SMCHD1: variants seen among roughly 807,000 people sequenced by gnomAD.
SMCHD1 encodes structural maintenance of chromosomes flexible hinge domain-containing protein 1.
A neutral mutation model predicts 254.7 loss-of-function variants in SMCHD1; 78 were observed. That is an observed-to-expected ratio of 0.31 (90% CI 0.26 to 0.37). The LOEUF is 0.37. Among genes scored for constraint, SMCHD1 ranks in the 10% least tolerant of loss-of-function variants. The pLI is 1.00. For missense variants in SMCHD1, 1,840 were observed against 2,408.1 expected, an observed-to-expected ratio of 0.76 and a Z score of 4.94; for synonymous variants, 766 against 794.9, an observed-to-expected ratio of 0.96 and a Z score of 0.61.
At chr18:2,778,263 A>T (rs1408157986) in intron 44 of SMCHD1, 24 bp downstream of exon 44, 13 of 1,525,036 alleles carry the variant, frequency 8.5e-6, no homozygotes, top group Non-Finnish European at 1.1e-5. Context: ...TTCTTTTTAA[A>T]TTTGTAGACT....
intron 12 of SMCHD1, 189 bp downstream of exon 12, chr18:2,701,107 C>T (rs755041453): frequency 1.8e-5 from 8 of 447,796 alleles, no homozygotes; most frequent in Non-Finnish European, 3.1e-5. Context: ...AATGACTAAA[C>T]CTACCTAGTA....
chr18:2,718,150 T>C lies in SMCHD1; in HGVS notation c.2261-8T>C. The C allele has an allele frequency of 6.3e-7, 1 of 1,596,344 alleles. No individual in the cohort carries two copies. The highest frequency in any genetic ancestry group is 8.5e-7 in the Non-Finnish European group (1 of 1,170,068). On this transcript the variant is annotated splice_region_variant and splice_polypyrimidine_tract_variant and intron_variant, in intron 17 of 47. Transcript: ENST00000320876. This position sits in a 1 kb window ranked among gnomAD's most constrained non-coding sequence, Gnocchi z 4.6. The stretch of plus-strand genomic sequence containing the variant: ...AAGACACTATTGTTTCTTTTTTCTT[T>C]TATTAAGCTTCAAGTGGAAATAAAG...
Position 2,760,686 on chromosome 18 carries a change from T to C in SMCHD1, c.4381T>C (p.Cys1461Arg), listed in dbSNP as rs773773285. Residue 1461 changes from cysteine (C) to arginine (R), a missense_variant, in exon 35 of 48, where the codon TGT (cysteine) becomes CGT (arginine). Cys to Arg is a radical substitution (Grantham distance 180). Coordinates refer to ENST00000320876, the MANE Select transcript of SMCHD1 (RefSeq NM_015295.3). Reference protein sequence around the residue: ...KVIPNKVGTYCIQFGFMMDKT... With the variant: ...KVIPNKVGTYRIQFGFMMDKT... ...AATTCCTAATAAAGTGGGGACATATTGTATCCAGTTTGGTTTTATGATGGA... is the reference window on the plus strand; with the variant it reads ...AATTCCTAATAAAGTGGGGACATATCGTATCCAGTTTGGTTTTATGATGGA... 3.1e-6 allele frequency: 5 copies of C among 1,601,766 alleles called. No individual in the cohort carries two copies. Among genetic ancestry groups the C allele is most frequent in the Non-Finnish European group, 4.3e-6 (5 of 1,169,380 alleles).
intron 17 of SMCHD1, among the ~76,000 whole-genome samples, chr18:2,711,795 T>C (rs963008506): frequency 2.0e-5 from 3 of 152,216 alleles, no homozygotes; most frequent in Non-Finnish European, 4.4e-5. Context: ...ATGTTTGTCT[T>C]GATCCCCGGT....
chr18:2,714,856 C>T (rs2074762087), intron 17 of SMCHD1, among the ~76,000 whole-genome samples: 1 of 152,080 alleles, frequency 6.6e-6, no homozygotes, highest in South Asian at 2.1e-4. Context: ...CCCCTGCCCC[C>T]TACCCCCAGC....
intron 22 of SMCHD1, chr18:2,726,915 A>G (rs1422581798): frequency 6.5e-6 from 1 of 154,508 alleles, no homozygotes; most frequent in African/African-American, 2.4e-5. Context: ...ACCTGAGAAA[A>G]TGAAGTTGCA....
At chr18:2,656,838 G>A (rs531806148) in intron 1 of SMCHD1, among the ~76,000 whole-genome samples, 22 of 152,166 alleles carry the variant, frequency 1.4e-4, no homozygotes, top group Non-Finnish European at 3.1e-4. Context: ...GTCCAGGTCA[G>A]CTCTGCAGGT....
At chr18:2,720,938 G>A (rs1013005835) in intron 19 of SMCHD1, among the ~76,000 whole-genome samples, 2 of 152,124 alleles carry the variant, frequency 1.3e-5, no homozygotes, top group Admixed American at 6.6e-5. Flanking sequence ...TAGTAGTGCT[G>A]TGTCTCTCAC....
chr18:2,800,836 C>T (rs961832906), intron 47 of SMCHD1: 2 of 152,148 alleles, frequency 1.3e-5, no homozygotes, highest in African/African-American at 4.8e-5. Flanking sequence ...AGTCATCACA[C>T]ATATGAGGGT....
intron 9 of SMCHD1, 60 bp from the exon 10 acceptor site, chr18:2,697,771 C>G: frequency 8.9e-7 from 1 of 1,122,602 alleles, no homozygotes; most frequent in Admixed American, 1.9e-5. Context: ...TGAATCATAG[C>G]TGAGAACAAA....
chr18:2,776,026 G>T, intron 42 of SMCHD1, 102 bp downstream of exon 42: 1 of 1,027,920 alleles, frequency 9.7e-7, no homozygotes, highest in South Asian at 1.6e-5. Flanking sequence ...ACCTAAAACA[G>T]AGAATTGACT....
At position 2,731,888 on chromosome 18, in the gene SMCHD1, G is replaced by A. The variant is rs1236120755; in HGVS notation, c.3049-377G>A. Among the ~76,000 whole-genome samples, 8 of 152,120 alleles carry A rather than the reference G, an allele frequency of 5.3e-5. No homozygotes were observed. The South Asian group carries it at 1.0e-3, about 20-fold the overall frequency. Reference sequence around the variant, plus strand: ...TATCCATGCATGGTGGTAGGCGCCTGTAATCCCAGCTACTCTGGAGGCTGA... The same window carrying A: ...TATCCATGCATGGTGGTAGGCGCCTATAATCCCAGCTACTCTGGAGGCTGA... On this transcript the variant is annotated intron_variant, in intron 24 of 47. Transcript: ENST00000320876.
chr18:2,737,361 A>G (rs1024730838), intron 25 of SMCHD1, among the ~76,000 whole-genome samples: 2 of 152,154 alleles, frequency 1.3e-5, no homozygotes, highest in East Asian at 1.9e-4. Flanking sequence ...TTGTATACGT[A>G]CCTACTGAAC....
chr18:2,748,372 GTGTGTGTGTGTA>G (rs1339209132), intron 30 of SMCHD1, among the ~76,000 whole-genome samples: 4 of 47,310 alleles, frequency 8.5e-5, no homozygotes, highest in African/African-American at 2.3e-4. Context: ...GTGTGTGTGT[GTGTGTGTGTGTA>G]TATAAATTTT....
intron 45 of SMCHD1, among the ~76,000 whole-genome samples, chr18:2,791,385 G>T (rs1449573946): frequency 6.6e-6 from 1 of 152,116 alleles, no homozygotes; most frequent in Non-Finnish European, 1.5e-5. Context: ...AGACCAGCCT[G>T]GGCAATACAG....
Position 2,755,565 on chromosome 18 carries a change from CTTTTTTT to C in SMCHD1, c.4346+3027_4346+3033del, listed in dbSNP as rs11413061. The stretch of plus-strand genomic sequence containing the variant: ...TTGTGTATTTTCTTTTTCTTTCTTT[CTTTTTTT>C]TTTTTTTTTTTTTGAGATGGAGTCT... On this transcript the variant is annotated intron_variant, in intron 34 of 47. Coordinates refer to ENST00000320876, the MANE Select transcript of SMCHD1 (RefSeq NM_015295.3). Among the ~76,000 whole-genome samples the C allele has an allele frequency of 6.5e-5, 7 of 108,166 alleles. No homozygotes were observed. The East Asian group carries it at 2.0e-3, about 31-fold the overall frequency. 71.0% of individuals were successfully genotyped at this position (108,166 alleles called of 152,430 possible). A position where few individuals can be genotyped will look rare whatever the true frequency, so the allele number is the denominator to read the frequency against.
chr18:2,735,661 T>C (rs1598384723), intron 25 of SMCHD1, among the ~76,000 whole-genome samples: 1 of 152,072 alleles, frequency 6.6e-6, no homozygotes. Context: ...AGTAACACAG[T>C]CCCATTTACG....
rs2076420291 is a variant in SMCHD1, at chr18:2,804,911, C to A, written c.*2359C>A. Reference sequence around the variant, plus strand: ...TAATCTGAAATTTGTCACAATGTTACAATCAGGAAGTTTTTTTTCTGGTTT... The same window carrying A: ...TAATCTGAAATTTGTCACAATGTTAAAATCAGGAAGTTTTTTTTCTGGTTT... On this transcript the variant is annotated 3_prime_UTR_variant, in exon 48 of 48. Transcript: ENST00000320876. 6.6e-6 allele frequency: 1 copy of A among 152,130 alleles called. No individual in the cohort carries two copies. Among genetic ancestry groups the A allele is most frequent in the South Asian group, 2.1e-4 (1 of 4,834 alleles). The allele number at this position is 152,130 out of a possible 1,614,324, so 9.4% of individuals were successfully genotyped here.
intron 47 of SMCHD1, chr18:2,800,957 G>A (rs2076351381): frequency 6.6e-6 from 1 of 152,140 alleles, no homozygotes. Context: ...CTATGTAGCA[G>A]AAAGGAGCCA....
Sources: gnomAD v4.1 joint callset for allele counts (sites outside exome capture counted in the v4.1 genomes callset) on GRCh38, gnomAD v4.1.1 for gene constraint, Gnocchi (gnomAD v3.1) non-coding constraint, MANE v1.5 for transcripts, NCBI Gene and HGNC (gene_info 2026-07-23, HGNC 2026-07-21) for gene names.